DPP10: variants seen among roughly 807,000 people sequenced by gnomAD.
DPP10 encodes the protein dipeptidyl peptidase like 10, also known as inactive dipeptidyl peptidase 10.
A neutral mutation model predicts 120.9 loss-of-function variants in DPP10; 33 were observed. That is an observed-to-expected ratio of 0.27 (90% CI 0.21 to 0.37). The LOEUF (loss-of-function observed/expected upper bound fraction) is 0.37, where lower values mean the gene tolerates loss of function less well. DPP10 is among the 10% of genes least tolerant of loss of function. The pLI, the probability that DPP10 is intolerant of heterozygous loss-of-function variation, is 1.00. For synonymous variants in DPP10, 337 were observed against 326.1 expected (o/e 1.03, Z -0.36); for missense variants, 816 against 942.8 (o/e 0.87, Z 1.76).
At chr2:115,193,727 C>T (rs1456584788) in intron 1 of DPP10, among the ~76,000 whole-genome samples, 1 of 152,166 alleles carries the variant, frequency 6.6e-6, no homozygotes, top group Non-Finnish European at 1.5e-5. Context: ...AAACAGCTCA[C>T]ATGTTTGAGC....
chr2:115,000,225 T>C (rs1701351333), intron 1 of DPP10, among the ~76,000 whole-genome samples: 1 of 152,124 alleles, frequency 6.6e-6, no homozygotes, highest in Admixed American at 6.5e-5. Flanking sequence ...AATTCCTATA[T>C]ATGTGCTTTT....
chr2:115,544,012 TC>T (rs1251707064), intron 5 of DPP10, among the ~76,000 whole-genome samples: 2 of 151,402 alleles, frequency 1.3e-5, no homozygotes, highest in Non-Finnish European at 2.9e-5. Flanking sequence ...AGTCTTCCCT[TC>T]CGCTGTACAG....
At chr2:114,473,085 A>G (rs1680063566) in intron 1 of DPP10, among the ~76,000 whole-genome samples, 1 of 152,208 alleles carries the variant, frequency 6.6e-6, no homozygotes, top group African/African-American at 2.4e-5. Context: ...ACTATTTGCC[A>G]AGCTTATTAT....
intron 1 of DPP10, among the ~76,000 whole-genome samples, chr2:114,801,811 C>G (rs1382944554): frequency 6.6e-6 from 1 of 152,136 alleles, no homozygotes; most frequent in Non-Finnish European, 1.5e-5. Flanking sequence ...TAGGTCTATT[C>G]TTTTCCTTTT....
intron 1 of DPP10, among the ~76,000 whole-genome samples, chr2:114,777,490 C>G (rs1681866644): frequency 6.6e-6 from 1 of 150,910 alleles, no homozygotes; most frequent in Non-Finnish European, 1.5e-5. Flanking sequence ...TGGCAACCTC[C>G]CTATTTCAGT....
At chr2:115,802,956 G>A (rs1363370022) in intron 19 of DPP10, among the ~76,000 whole-genome samples, 1 of 152,134 alleles carries the variant, frequency 6.6e-6, no homozygotes, top group African/African-American at 2.4e-5. Flanking sequence ...TCTGCTTGGT[G>A]CAGAGCTGAG....
intron 5 of DPP10, among the ~76,000 whole-genome samples, chr2:115,588,442 A>G (rs113055349): frequency 3.3e-5 from 5 of 152,332 alleles, no homozygotes; most frequent in African/African-American, 1.2e-4. Context: ...AACGGCTTCA[A>G]TATATGATGG....
chr2:114,516,657 T>C (rs1437885782), intron 1 of DPP10, among the ~76,000 whole-genome samples: 1 of 152,228 alleles, frequency 6.6e-6, no homozygotes, highest in Non-Finnish European at 1.5e-5. Context: ...ATTATTCAAA[T>C]GGTTTGCTTT....
At chr2:115,453,406 C>A (rs1279706233) in intron 3 of DPP10, among the ~76,000 whole-genome samples, 1 of 151,364 alleles carries the variant, frequency 6.6e-6, no homozygotes, top group Non-Finnish European at 1.5e-5. Flanking sequence ...TTTGCAAAGT[C>A]TATGTCACTG....
At chr2:115,301,173 T>A (rs929368728) in intron 1 of DPP10, among the ~76,000 whole-genome samples, 2 of 152,042 alleles carry the variant, frequency 1.3e-5, no homozygotes, top group African/African-American at 4.8e-5. Context: ...TCACCCCTGC[T>A]TCTTCGTGAA....
At chr2:115,215,304 A>G (rs72839258) in intron 1 of DPP10, among the ~76,000 whole-genome samples, 177 of 152,338 alleles carry the variant, frequency 1.2e-3, no homozygotes, top group Non-Finnish European at 2.0e-3. Flanking sequence ...ACTTATTTCA[A>G]TAATGAATTT....
At chr2:114,552,255 C>T (rs1687943619) in intron 1 of DPP10, among the ~76,000 whole-genome samples, 1 of 152,186 alleles carries the variant, frequency 6.6e-6, no homozygotes, top group Non-Finnish European at 1.5e-5. Flanking sequence ...TTGGATGAGA[C>T]AATATATGCC....
chr2:115,632,353 C>CATTT (rs1394811241), intron 5 of DPP10, among the ~76,000 whole-genome samples: 111 of 152,218 alleles, frequency 7.3e-4, no homozygotes, highest in African/African-American at 2.4e-3. Context: ...TGACTCTATC[C>CATTT]AGCTTGCCAT....
chr2:115,468,984 G>A (rs996321670), intron 3 of DPP10: 18 of 238,116 alleles, frequency 7.6e-5, no homozygotes, highest in Admixed American at 1.5e-4. Flanking sequence ...CTCCTGAGAC[G>A]GAGTATCACC....
chr2:115,168,683 A>G (rs899122981), intron 1 of DPP10, among the ~76,000 whole-genome samples: 2 of 152,224 alleles, frequency 1.3e-5, no homozygotes, highest in South Asian at 2.1e-4. Flanking sequence ...CATTGACTAC[A>G]TATTAACTCA....
intron 1 of DPP10, among the ~76,000 whole-genome samples, chr2:115,281,333 C>T (rs945476412): frequency 7.9e-5 from 12 of 152,170 alleles, no homozygotes; most frequent in African/African-American, 2.9e-4. Flanking sequence ...CCCACTATTT[C>T]TACTAGCTAG....
chr2:115,747,374 T>A (rs539926332), intron 10 of DPP10, among the ~76,000 whole-genome samples: 1 of 152,292 alleles, frequency 6.6e-6, no homozygotes, highest in South Asian at 2.1e-4. Context: ...CTGAGCTTGA[T>A]CTAGCAGCCA....
chr2:115,555,827 A>T (rs1386219175), intron 5 of DPP10, among the ~76,000 whole-genome samples: 1 of 152,088 alleles, frequency 6.6e-6, no homozygotes, highest in Non-Finnish European at 1.5e-5. Flanking sequence ...AAAAATAATA[A>T]ATCGTATAAC....
At chr2:114,545,557 G>GT (rs1687323147) in intron 1 of DPP10, among the ~76,000 whole-genome samples, 2 of 152,168 alleles carry the variant, frequency 1.3e-5, no homozygotes, top group African/African-American at 4.8e-5. Flanking sequence ...AACCTGATGA[G>GT]TACTTCTCAT....
Sources: allele counts gnomAD v4.1 joint callset (sites outside exome capture counted in the v4.1 genomes callset), GRCh38; gene constraint gnomAD v4.1.1; transcripts MANE v1.5; gene names NCBI Gene and HGNC (gene_info 2026-07-23, HGNC 2026-07-21).